Variants in EPHB2 observed in about 807,000 individuals in gnomAD.
EPHB2 encodes the protein ephrin type-B receptor 2.
EPHB2 carries 18 observed loss-of-function variants against 96.4 expected under a neutral mutation model. That is an observed-to-expected ratio of 0.19 (90% CI 0.13 to 0.28). The LOEUF is 0.28. Among genes scored for constraint, EPHB2 ranks in the 10% least tolerant of loss-of-function variants. EPHB2 has a pLI of 1.00. For missense variants in EPHB2, 989 were observed against 1,355.4 expected, an observed-to-expected ratio of 0.73 and a Z score of 4.25; for synonymous variants, 506 against 534.1, an observed-to-expected ratio of 0.95 and a Z score of 0.72.
chr1:22,899,360 G>A (rs997660237), intron 9 of EPHB2, among the ~76,000 whole-genome samples: 1 of 151,678 alleles, frequency 6.6e-6, no homozygotes, highest in African/African-American at 2.4e-5. Context: ...AATTAGCCTG[G>A]CGTGGTGGTG....
intron 14 of EPHB2, among the ~76,000 whole-genome samples, chr1:22,911,147 T>A (rs796219329): frequency 7.3e-5 from 10 of 137,692 alleles, no homozygotes; most frequent in African/African-American, 1.7e-4. Context: ...TCTAAAAAAA[T>A]AAATAAATAA....
At chr1:22,755,730 A>T (rs1041408680) in intron 1 of EPHB2, among the ~76,000 whole-genome samples, 2 of 152,256 alleles carry the variant, frequency 1.3e-5, no homozygotes, top group African/African-American at 4.8e-5. Context: ...TCAAAGGAAC[A>T]TTTAGGATAT....
At chr1:22,838,843 A>G (rs1645422735) in intron 3 of EPHB2, among the ~76,000 whole-genome samples, 1 of 152,158 alleles carries the variant, frequency 6.6e-6, no homozygotes, top group Non-Finnish European at 1.5e-5. Context: ...AGGCAGGAAA[A>G]TGGTGTGAAC....
rs139082449 is a variant in EPHB2 at position 22,884,104 on chromosome 1, C to T, written c.1428+1621C>T. Among the ~76,000 whole-genome samples, 1,028 of 152,210 alleles carry T rather than the reference C, an allele frequency of 6.8e-3. 13 individuals are homozygous for T. Among genetic ancestry groups the T allele is most frequent in the African/African-American group, 0.024 (986 of 41,528 alleles). Reference sequence around the variant, plus strand: ...CATGGACTCTGCCCCTCTCTTAGAGCACCGCATGCGGGCGGAGGGTGCCTG... The same window carrying T: ...CATGGACTCTGCCCCTCTCTTAGAGTACCGCATGCGGGCGGAGGGTGCCTG... On this transcript the variant is annotated intron_variant, in intron 6 of 15. Coordinates refer to ENST00000374630, the MANE Select transcript of EPHB2 (RefSeq NM_017449.5).
intron 1 of EPHB2, among the ~76,000 whole-genome samples, chr1:22,751,307 A>T (rs553432267): frequency 6.6e-6 from 1 of 152,268 alleles, no homozygotes; most frequent in African/African-American, 2.4e-5. Flanking sequence ...TGCACGCAGG[A>T]CTGATGGGGC....
chr1:22,882,283 G>T, intron 5 of EPHB2, 76 bp from the exon 6 acceptor site: 2 of 1,596,346 alleles, frequency 1.3e-6, no homozygotes, highest in South Asian at 1.1e-5. Flanking sequence ...CCACCTGTCC[G>T]AGTACCTCTG....
At chr1:22,711,266 G>T (rs2148325310) in intron 1 of EPHB2, among the ~76,000 whole-genome samples, 1 of 147,684 alleles carries the variant, frequency 6.8e-6, no homozygotes, top group South Asian at 2.1e-4. Context: ...AGGAGGCGAA[G>T]GGACCATCTT....
chr1:22,837,939 G>A (rs1368355103), intron 3 of EPHB2, among the ~76,000 whole-genome samples: 1 of 151,472 alleles, frequency 6.6e-6, no homozygotes. Context: ...CCCCAAAGAG[G>A]TGACCCAAGG....
intron 1 of EPHB2, among the ~76,000 whole-genome samples, chr1:22,779,109 C>T (rs564045803): frequency 5.3e-5 from 8 of 152,350 alleles, no homozygotes; most frequent in South Asian, 2.1e-4. Context: ...CGGCTTGGCG[C>T]GTCTCTGGCT....
At chr1:22,861,037 C>T (rs187379278) in intron 3 of EPHB2, among the ~76,000 whole-genome samples, 4 of 152,322 alleles carry the variant, frequency 2.6e-5, no homozygotes, top group Admixed American at 2.6e-4. Flanking sequence ...TCAGAGAGGT[C>T]AAATAACTTG....
At chr1:22,888,090 A>G (rs1212978208) in intron 6 of EPHB2, among the ~76,000 whole-genome samples, 5 of 152,226 alleles carry the variant, frequency 3.3e-5, no homozygotes, top group African/African-American at 9.6e-5. Context: ...CTTGTTGCCC[A>G]GGCTGGAGTG....
chr1:22,804,107 C>T (rs1202326766), intron 3 of EPHB2, among the ~76,000 whole-genome samples: 5 of 152,170 alleles, frequency 3.3e-5, no homozygotes, highest in African/African-American at 1.2e-4. Flanking sequence ...AGGGCTTGTG[C>T]GGTCTCACAG....
intron 7 of EPHB2, among the ~76,000 whole-genome samples, chr1:22,894,612 G>A (rs79835546): frequency 6.7e-6 from 1 of 149,880 alleles, no homozygotes; most frequent in Admixed American, 6.6e-5. Context: ...AAAAAAAAAA[G>A]AAGTAAAAAT....
chr1:22,727,271 A>C (rs926055907), intron 1 of EPHB2, among the ~76,000 whole-genome samples: 1 of 152,260 alleles, frequency 6.6e-6, no homozygotes, highest in African/African-American at 2.4e-5. Context: ...CAGCTACTCC[A>C]GCAGTTGGGA....
At position 22,909,070 on chromosome 1, in the gene EPHB2, C is replaced by T. The variant is rs2124119648; in HGVS notation, c.2401C>T (p.Arg801Trp). 4 of 1,614,194 alleles carry T rather than the reference C, an allele frequency of 2.5e-6. No individual in the cohort carries two copies. Among genetic ancestry groups the T allele is most frequent in the Non-Finnish European group, 3.4e-6 (4 of 1,180,044 alleles). Residue 801 changes from arginine (R) to tryptophan (W), a missense_variant, in exon 13 of 16, where the codon CGG becomes TGG. Transcript: ENST00000374630. The part of the protein sequence containing the change: ...RWTAPEAIQY[R>W]KFTSASDVWS... Reference sequence around the variant, plus strand: ...GACAGCCCCGGAAGCCATCCAGTACCGGAAGTTCACCTCGGCCAGTGATGT... The same window carrying T: ...GACAGCCCCGGAAGCCATCCAGTACTGGAAGTTCACCTCGGCCAGTGATGT...
intron 2 of EPHB2, 45 bp downstream of exon 2, chr1:22,781,530 T>A (rs761923723): frequency 6.2e-7 from 1 of 1,602,450 alleles, no homozygotes; most frequent in Non-Finnish European, 8.5e-7. Flanking sequence ...CCAGGATCCC[T>A]CAAGCCCTGC....
intron 9 of EPHB2, among the ~76,000 whole-genome samples, chr1:22,904,540 C>G (rs1224308740): frequency 2.6e-5 from 4 of 152,126 alleles, no homozygotes; most frequent in Non-Finnish European, 1.5e-5. Context: ...GAAACCCTGA[C>G]CTCAAGGGTT....
At chr1:22,877,571 C>A (rs1279857828) in intron 5 of EPHB2, among the ~76,000 whole-genome samples, 1 of 152,154 alleles carries the variant, frequency 6.6e-6, no homozygotes, top group Non-Finnish European at 1.5e-5. Flanking sequence ...TCATGGAACT[C>A]TTTGTATGGC....
intron 5 of EPHB2, among the ~76,000 whole-genome samples, chr1:22,871,732 C>T (rs1388300853): frequency 3.9e-5 from 6 of 152,254 alleles, no homozygotes; most frequent in African/African-American, 1.4e-4. Flanking sequence ...AGAAGCCTAG[C>T]GTGGGCCGGG....
Sources: allele counts gnomAD v4.1 joint callset (sites outside exome capture counted in the v4.1 genomes callset), GRCh38; gene constraint gnomAD v4.1.1; transcripts MANE v1.5; gene names NCBI Gene and HGNC (gene_info 2026-07-23, HGNC 2026-07-21).